The following ADAMTS19 variants were observed in gnomAD, a reference collection of about 807,000 sequenced individuals.
The protein encoded by ADAMTS19 is ADAM metallopeptidase with thrombospondin type 1 motif 19.
In ADAMTS19, 93 loss-of-function variants were observed where a neutral mutation model predicts 153.3. The ratio of observed to expected loss-of-function variants is 0.61; its 90% CI spans 0.51 to 0.72. The LOEUF is 0.72. Ranked by LOEUF, ADAMTS19 falls within the 30% of genes least tolerant of loss-of-function variation. The probability of loss-of-function intolerance (pLI) is 0.00; values close to 1 mark genes in which losing one functional copy is unlikely to be tolerated. For missense variants in ADAMTS19, 1,482 were observed against 1,552.1 expected, an observed-to-expected ratio of 0.95 and a Z score of 0.76; for synonymous variants, 600 against 556.6, an observed-to-expected ratio of 1.08 and a Z score of -1.10.
Position 129,658,674 on chromosome 5 carries a change from T to C in ADAMTS19, c.2362T>C (p.Cys788Arg). Reference sequence around the variant, plus strand: ...TGCAAGAGAAGATCATTGTGGTGTATGCAATGGCAATGGAAAATCATGCAA... The same window carrying C: ...TGCAAGAGAAGATCATTGTGGTGTACGCAATGGCAATGGAAAATCATGCAA... ...SLAREDHCGV[C>R]NGNGKSCKII... The change falls in exon 15 of 23, where the codon TGC becomes CGC. Residue 788 changes from cysteine (C) to arginine (R), a missense_variant. Physicochemically the swap from Cys to Arg is radical, Grantham distance 180. Transcript: ENST00000274487. 2 of 1,613,466 alleles carry C rather than the reference T, an allele frequency of 1.2e-6. No homozygotes were observed. The highest frequency in any genetic ancestry group is 2.2e-5 in the East Asian group (1 of 44,780).
At chr5:129,608,963 T>A (rs560714887) in intron 8 of ADAMTS19, among the ~76,000 whole-genome samples, 1 of 152,264 alleles carries the variant, frequency 6.6e-6, no homozygotes, top group South Asian at 2.1e-4. Context: ...TAAATTGTTA[T>A]AACAGGCAAA....
At chr5:129,699,549 G>A (rs899967048) in intron 19 of ADAMTS19, among the ~76,000 whole-genome samples, 1 of 152,054 alleles carries the variant, frequency 6.6e-6, no homozygotes, top group Non-Finnish European at 1.5e-5. Flanking sequence ...AGAAAAGAAG[G>A]CCAAATTCAT....
At chr5:129,611,171 G>A (rs1245650831) in intron 8 of ADAMTS19, among the ~76,000 whole-genome samples, 4 of 150,152 alleles carry the variant, frequency 2.7e-5, no homozygotes, top group Non-Finnish European at 1.5e-5. Flanking sequence ...TGAGTTCTTT[G>A]TAGATTCTGG....
At chr5:129,625,365 C>CT (rs1190161027) in intron 10 of ADAMTS19, among the ~76,000 whole-genome samples, 10 of 152,156 alleles carry the variant, frequency 6.6e-5, no homozygotes, top group African/African-American at 2.4e-4. Flanking sequence ...AATGGGATCA[C>CT]TGTGTCAAAT....
At chr5:129,473,775 C>T (rs930069496) in intron 2 of ADAMTS19, among the ~76,000 whole-genome samples, 8 of 151,944 alleles carry the variant, frequency 5.3e-5, no homozygotes, top group African/African-American at 1.7e-4. Context: ...AGAAATTTTT[C>T]CAGGTGCACC....
intron 10 of ADAMTS19, among the ~76,000 whole-genome samples, chr5:129,641,186 C>A (rs892755652): frequency 1.3e-5 from 2 of 152,146 alleles, no homozygotes; most frequent in East Asian, 3.8e-4. Context: ...GACAATTTTT[C>A]TTTTACATTT....
intron 16 of ADAMTS19, among the ~76,000 whole-genome samples, chr5:129,670,819 C>T (rs536837651): frequency 3.5e-4 from 53 of 152,134 alleles, no homozygotes; most frequent in African/African-American, 1.3e-3. Context: ...CTACTAAATC[C>T]CATCATTTTT....
chr5:129,569,440 C>T (rs1753823208), intron 7 of ADAMTS19, among the ~76,000 whole-genome samples: 1 of 152,066 alleles, frequency 6.6e-6, no homozygotes, highest in Non-Finnish European at 1.5e-5. Context: ...AGGAACTTAA[C>T]AGTGATATAG....
chr5:129,644,615 T>C (rs1431076775), intron 11 of ADAMTS19, among the ~76,000 whole-genome samples: 2 of 152,158 alleles, frequency 1.3e-5, no homozygotes, highest in African/African-American at 4.8e-5. Context: ...TCTCTTTTTA[T>C]AATTTTTATA....
chr5:129,710,215 A>G (rs1281501620), intron 21 of ADAMTS19, among the ~76,000 whole-genome samples: 2 of 152,176 alleles, frequency 1.3e-5, no homozygotes, highest in African/African-American at 4.8e-5. Context: ...AAGTGAGAAC[A>G]TTCAGTGTTT....
intron 2 of ADAMTS19, among the ~76,000 whole-genome samples, chr5:129,465,973 A>T (rs1749842649): frequency 6.6e-6 from 1 of 152,250 alleles, no homozygotes; most frequent in South Asian, 2.1e-4. Flanking sequence ...TGCAGGAGCC[A>T]TGCCAGAAGT....
intron 18 of ADAMTS19, among the ~76,000 whole-genome samples, chr5:129,689,181 G>A (rs1755222413): frequency 6.6e-6 from 1 of 151,952 alleles, no homozygotes; most frequent in Non-Finnish European, 1.5e-5. Context: ...CTACTTTGAA[G>A]GAAAAAAAAT....
intron 6 of ADAMTS19, among the ~76,000 whole-genome samples, chr5:129,540,484 C>A (rs907159140): frequency 6.6e-6 from 1 of 151,968 alleles, no homozygotes; most frequent in African/African-American, 2.4e-5. Flanking sequence ...TATCTTTATG[C>A]CCTTTGAAAA....
chr5:129,674,429 C>G (rs1161833545), intron 16 of ADAMTS19, among the ~76,000 whole-genome samples: 1 of 152,118 alleles, frequency 6.6e-6, no homozygotes, highest in East Asian at 1.9e-4. Flanking sequence ...TTTGGCCATA[C>G]TGAATTTGTT....
chr5:129,513,559 G>C (rs945942952), intron 3 of ADAMTS19, among the ~76,000 whole-genome samples: 1 of 151,908 alleles, frequency 6.6e-6, no homozygotes. Context: ...AGTTCATGTA[G>C]TTATGTTACA....
intron 15 of ADAMTS19, 62 bp from the exon 16 acceptor site, chr5:129,665,436 CA>C: frequency 7.3e-7 from 1 of 1,366,696 alleles, no homozygotes; most frequent in Non-Finnish European, 1.0e-6. Context: ...AAAGGCAAGT[CA>C]ATGAAGAAAA....
At chr5:129,692,551 G>T (rs1234373386) in intron 18 of ADAMTS19, among the ~76,000 whole-genome samples, 1 of 152,154 alleles carries the variant, frequency 6.6e-6, no homozygotes, top group Non-Finnish European at 1.5e-5. Context: ...AGGTCACCTT[G>T]TTGCATGAGC....
chr5:129,604,926 C>A (rs1191108510), intron 8 of ADAMTS19, among the ~76,000 whole-genome samples: 1 of 152,134 alleles, frequency 6.6e-6, no homozygotes, highest in Non-Finnish European at 1.5e-5. Flanking sequence ...GAAGCTCCAT[C>A]CTTCTAGTGG....
intron 7 of ADAMTS19, among the ~76,000 whole-genome samples, chr5:129,554,247 A>G (rs562061806): frequency 1.1e-4 from 16 of 152,274 alleles, no homozygotes; most frequent in African/African-American, 3.6e-4. Flanking sequence ...TTTGTGAGAC[A>G]TATACATTGT....
Sources: gnomAD v4.1 joint callset for allele counts (sites outside exome capture counted in the v4.1 genomes callset) on GRCh38, gnomAD v4.1.1 for gene constraint, MANE v1.5 for transcripts, NCBI Gene and HGNC (gene_info 2026-07-23, HGNC 2026-07-21) for gene names.